The following MGLL variants were observed in gnomAD, a reference collection of about 807,000 sequenced individuals.
MGLL encodes lysophospholipase homolog.
A neutral mutation model predicts 29.1 loss-of-function variants in MGLL; 7 were observed. The ratio of observed to expected loss-of-function variants is 0.24; its 90% CI spans 0.14 to 0.45. The LOEUF is 0.45. Among genes scored for constraint, MGLL ranks in the 20% least tolerant of loss-of-function variants. MGLL has a pLI of 0.99. For synonymous variants in MGLL, 148 were observed against 168.3 expected, an observed-to-expected ratio of 0.88 and a Z score of 0.93; for missense variants, 356 against 413.6, an observed-to-expected ratio of 0.86 and a Z score of 1.21.
intron 6 of MGLL, 34 bp from the exon 7 acceptor site, chr3:127,695,224 G>C (rs1171404235): frequency 6.3e-7 from 1 of 1,593,034 alleles, no homozygotes; most frequent in Admixed American, 1.7e-5. Context: ...CATCAGCATG[G>C]GCAGGGCTCA....
intron 6 of MGLL, among the ~76,000 whole-genome samples, chr3:127,697,934 G>A (rs1330450365): frequency 6.6e-6 from 1 of 152,190 alleles, no homozygotes. Flanking sequence ...CGCCCCTGTT[G>A]CTAGCGATGT....
upstream of MGLL, chr3:127,822,531 C>G: frequency 1.7e-6 from 1 of 601,644 alleles, no homozygotes; most frequent in Admixed American, 3.1e-5. Context: ...TCCCCTCCCT[C>G]CCCAGGGCGG....
chr3:127,741,148 T>C (rs2076332965), intron 3 of MGLL, among the ~76,000 whole-genome samples: 1 of 152,246 alleles, frequency 6.6e-6, no homozygotes, highest in Admixed American at 6.5e-5. Flanking sequence ...CTCTGTTTCC[T>C]CTACATTCCA....
chr3:127,735,984 C>T (rs1468147859), intron 3 of MGLL: 3 of 1,427,718 alleles, frequency 2.1e-6, no homozygotes, highest in African/African-American at 2.9e-5. Flanking sequence ...CGGCTCAGTT[C>T]CTTCACGCTA....
At chr3:127,813,305 C>T (rs1314452389) in intron 2 of MGLL, among the ~76,000 whole-genome samples, 1 of 152,188 alleles carries the variant, frequency 6.6e-6, no homozygotes, top group African/African-American at 2.4e-5. Flanking sequence ...CCCCTCCTCC[C>T]ACCTATCTCC....
At chr3:127,752,718 C>T (rs999386552) in intron 3 of MGLL, among the ~76,000 whole-genome samples, 3 of 152,064 alleles carry the variant, frequency 2.0e-5, no homozygotes, top group African/African-American at 7.2e-5. Flanking sequence ...TGGAACCTTC[C>T]CAAAATCCAC....
chr3:127,768,746 G>A (rs1223762693), intron 3 of MGLL, among the ~76,000 whole-genome samples: 1 of 152,016 alleles, frequency 6.6e-6, no homozygotes, highest in Non-Finnish European at 1.5e-5. Flanking sequence ...AGCTCTCCAA[G>A]CCCCAGTGCT....
Position 127,821,741 on chromosome 3 carries a change from G to A in MGLL, c.108C>T (p.Asp36=), listed in dbSNP as rs1405455956. 2 of 1,614,130 alleles carry A rather than the reference G, an allele frequency of 1.2e-6. No homozygotes were observed. The highest frequency in any genetic ancestry group is 2.2e-5 in the South Asian group (2 of 91,088). ...AGTACCTGCAGAAGAGGTACTGTCC[G>A]TCTGCATTGACCAGGTGAGGGAGGT... The part of the protein sequence containing the change: ...YQDLPHLVNA[D]GQYLFCRYWK... Residue 36 remains aspartate, a synonymous_variant, in exon 2 of 8, where the codon GAC becomes GAT. Transcript: ENST00000265052.
At chr3:127,727,639 G>A (rs2076070026) in intron 3 of MGLL, among the ~76,000 whole-genome samples, 1 of 149,568 alleles carries the variant, frequency 6.7e-6, no homozygotes. Context: ...TTGAGCCCAG[G>A]AGGTCAAGGC....
chr3:127,799,352 T>C (rs2077438913), intron 2 of MGLL: 1 of 152,110 alleles, frequency 6.6e-6, no homozygotes, highest in Admixed American at 6.6e-5. Context: ...CTCTCCCAAC[T>C]TCGAATCTGC....
Position 127,815,974 on chromosome 3 carries a change from G to A in MGLL, c.155+5720C>T, listed in dbSNP as rs563093258. On this transcript the variant is annotated intron_variant, in intron 2 of 7. Coordinates refer to ENST00000265052, the MANE Select transcript of MGLL (RefSeq NM_007283.7). Reference sequence around the variant, plus strand: ...ATCGCTGCTTTGGATCCTGGGAGAGGAGAGCAAGGAGCCGTATGGGGTAGC... The same window carrying A: ...ATCGCTGCTTTGGATCCTGGGAGAGAAGAGCAAGGAGCCGTATGGGGTAGC... 1.3e-4 allele frequency among the ~76,000 whole-genome samples: 20 copies of A among 152,328 alleles called. No homozygotes were observed. In the South Asian group the frequency reaches 4.1e-3, roughly 32 times the overall value.
At position 127,726,232 on chromosome 3, in the gene MGLL, GAGGA is replaced by G. The variant is rs1474557187; in HGVS notation, c.263-3670_263-3667del. ...ACAGAAGGAAGGAAAGAGAAAGAAA[GAGGA>G]AGGAAGGAAGGGAGGGAAAGAGAGA... On this transcript the variant is annotated intron_variant, in intron 3 of 7. Coordinates refer to ENST00000265052, the MANE Select transcript of MGLL (RefSeq NM_007283.7). Among the ~76,000 whole-genome samples the G allele has an allele frequency of 9.7e-5, 14 of 144,626 alleles. 2 individuals are homozygous for G. Among genetic ancestry groups the G allele is most frequent in the African/African-American group, 2.6e-4 (10 of 39,194 alleles). The allele number at this position is 144,626 out of a possible 152,430, so 94.9% of individuals were successfully genotyped here. A position where few individuals can be genotyped will look rare whatever the true frequency, so the allele number is the denominator to read the frequency against.
chr3:127,763,210 C>T (rs1168510674), intron 3 of MGLL, among the ~76,000 whole-genome samples: 1 of 152,144 alleles, frequency 6.6e-6, no homozygotes, highest in African/African-American at 2.4e-5. Context: ...CAGGCTGCCC[C>T]AGCAGCCAGG....
chr3:127,808,014 C>A (rs1312519894), intron 2 of MGLL, among the ~76,000 whole-genome samples: 3 of 152,074 alleles, frequency 2.0e-5, no homozygotes, highest in African/African-American at 7.2e-5. Context: ...CCCGCCTCGG[C>A]CTCCCAAAGT....
At chr3:127,706,891 G>A (rs2107600780) in intron 6 of MGLL, among the ~76,000 whole-genome samples, 1 of 152,352 alleles carries the variant, frequency 6.6e-6, no homozygotes, top group Middle Eastern at 3.4e-3. Flanking sequence ...GAAGGCCTCA[G>A]CACGGCCGAG....
At chr3:127,755,124 G>A (rs1045399658) in intron 3 of MGLL, among the ~76,000 whole-genome samples, 6 of 152,128 alleles carry the variant, frequency 3.9e-5, no homozygotes, top group East Asian at 1.9e-4. Context: ...ACACGGCCTC[G>A]TCAACTAGGG....
intron 3 of MGLL, among the ~76,000 whole-genome samples, chr3:127,774,170 G>C (rs2076994647): frequency 1.3e-5 from 2 of 152,202 alleles, no homozygotes; most frequent in Admixed American, 1.3e-4. Context: ...TGACCATCCT[G>C]GCTTGCTGGC....
rs1378806907 is a variant in MGLL at position 127,726,184 on chromosome 3, GAAAAGAAAA to G, written c.263-3627_263-3619del. The stretch of plus-strand genomic sequence containing the variant: ...AGAAAGAAAGAAAGAAAGAAAGAAA[GAAAAGAAAA>G]GAAAGAAAGAAAGACAGAAGGAAGG... On this transcript the variant is annotated intron_variant, in intron 3 of 7. Coordinates refer to ENST00000265052, the MANE Select transcript of MGLL (RefSeq NM_007283.7). Among the ~76,000 whole-genome samples, 68 of 63,294 alleles carry G rather than the reference GAAAAGAAAA, an allele frequency of 1.1e-3. 1 individual carries two copies. The highest frequency in any genetic ancestry group is 3.6e-3 in the African/African-American group (65 of 18,260). The allele number at this position is 63,294 out of a possible 152,430, so 41.5% of individuals were successfully genotyped here.
At chr3:127,738,810 G>C (rs775455830) in intron 3 of MGLL, among the ~76,000 whole-genome samples, 1 of 152,166 alleles carries the variant, frequency 6.6e-6, no homozygotes, top group African/African-American at 2.4e-5. Context: ...ATAAAGAAGC[G>C]GTCCCAATCT....
Sources: gnomAD v4.1 joint callset for allele counts (sites outside exome capture counted in the v4.1 genomes callset) on GRCh38, gnomAD v4.1.1 for gene constraint, MANE v1.5 for transcripts, NCBI Gene and HGNC (gene_info 2026-07-23, HGNC 2026-07-21) for gene names.